SAMD5: variants seen among roughly 807,000 people sequenced by gnomAD.
The protein encoded by SAMD5 is sterile alpha motif domain-containing protein 5.
SAMD5 carries 13 observed loss-of-function variants against 11.3 expected under a neutral mutation model. That is an observed-to-expected ratio of 1.15 (90% CI 0.75 to 1.83). SAMD5 has a LOEUF of 1.83. SAMD5 is among the 40% of genes most tolerant of loss of function. The pLI is 0.00. For synonymous variants in SAMD5, 129 were observed against 111.3 expected, an observed-to-expected ratio of 1.16 and a Z score of -1.00; for missense variants, 255 against 239.1, an observed-to-expected ratio of 1.07 and a Z score of -0.44.
At chr6:147,687,456 T>G (rs778645273) in intron 1 of SAMD5, among the ~76,000 whole-genome samples, 3 of 151,874 alleles carry the variant, frequency 2.0e-5, no homozygotes, top group Non-Finnish European at 4.4e-5. Context: ...TTTGTATTTT[T>G]TGAAGAGATG....
the SAMD5 span, among the ~76,000 whole-genome samples, chr6:147,791,540 C>G: frequency 5.9e-5 from 9 of 152,130 alleles, no homozygotes; most frequent in South Asian, 1.9e-3. Flanking sequence ...ACTGTTAGAC[C>G]TATGTGACCA....
chr6:147,798,897 CT>C, the SAMD5 span, among the ~76,000 whole-genome samples: 1 of 151,916 alleles, frequency 6.6e-6, no homozygotes, highest in South Asian at 2.1e-4. Flanking sequence ...CAACCCCTGC[CT>C]TTTTTTGTTT....
chr6:147,887,604 T>C, the SAMD5 span, among the ~76,000 whole-genome samples: 1 of 152,178 alleles, frequency 6.6e-6, no homozygotes, highest in Non-Finnish European at 1.5e-5. Flanking sequence ...TTGATTCCAG[T>C]TTTTTACTAC....
rs1789109185 is a variant in SAMD5 at position 147,569,874 on chromosome 6, G to T, written c.*5418G>T. On this transcript the variant is annotated 3_prime_UTR_variant, in exon 2 of 2. Coordinates refer to ENST00000367474, the MANE Select transcript of SAMD5 (RefSeq NM_001030060.3). ...AATTGACACTTTCTTTTCCCTTTCA[G>T]TTATTATTTTTTTTAAAGGACGTTA... 1 of 985,000 alleles carries T rather than the reference G, an allele frequency of 1.0e-6. No individual in the cohort carries two copies. The highest frequency in any genetic ancestry group is 1.2e-6 in the Non-Finnish European group (1 of 829,748). 61.0% of individuals were successfully genotyped at this position (985,000 alleles called of 1,614,324 possible).
chr6:147,613,274 A>C (rs1789812695), intron 1 of SAMD5, among the ~76,000 whole-genome samples: 1 of 151,864 alleles, frequency 6.6e-6, no homozygotes, highest in Non-Finnish European at 1.5e-5. Flanking sequence ...GAGTGCGTCT[A>C]GTCAATGGGT....
chr6:147,639,553 C>A (rs780463806), intron 1 of SAMD5, among the ~76,000 whole-genome samples: 25 of 152,268 alleles, frequency 1.6e-4, no homozygotes, highest in Middle Eastern at 3.4e-3. Context: ...GGGGTGGGTG[C>A]TACATCTCCA....
intron 1 of SAMD5, among the ~76,000 whole-genome samples, chr6:147,610,700 A>G (rs1789770436): frequency 6.6e-6 from 1 of 152,066 alleles, no homozygotes. Flanking sequence ...AGAGACCTGA[A>G]TCAGTTGCTC....
chr6:147,810,649 G>A, the SAMD5 span, among the ~76,000 whole-genome samples: 1 of 152,312 alleles, frequency 6.6e-6, no homozygotes, highest in African/African-American at 2.4e-5. Context: ...CAAATAGGCA[G>A]CCATCAACAT....
intron 1 of SAMD5, among the ~76,000 whole-genome samples, chr6:147,625,562 G>A (rs997566774): frequency 2.6e-5 from 4 of 152,168 alleles, no homozygotes; most frequent in African/African-American, 7.2e-5. Flanking sequence ...GATATATTAA[G>A]ATTCCTAAAC....
chr6:147,792,638 G>A, the SAMD5 span, among the ~76,000 whole-genome samples: 1 of 151,990 alleles, frequency 6.6e-6, no homozygotes, highest in African/African-American at 2.4e-5. Context: ...CTAATAAAAG[G>A]AATCAAGGAT....
the SAMD5 span, among the ~76,000 whole-genome samples, chr6:147,815,044 A>G: frequency 6.3e-4 from 96 of 152,302 alleles, 2 homozygotes; most frequent in African/African-American, 2.1e-3. Flanking sequence ...GTGCCATCCA[A>G]TAGGCCAACT....
intron 1 of SAMD5, among the ~76,000 whole-genome samples, chr6:147,684,120 A>G (rs1790976423): frequency 1.3e-5 from 2 of 151,818 alleles, no homozygotes; most frequent in African/African-American, 4.8e-5. Flanking sequence ...CCTTCCCACC[A>G]TTACCTCTTT....
exon 2 of SAMD5, chr6:147,737,530 C>T: frequency 3.6e-6 from 1 of 274,802 alleles, no homozygotes; most frequent in South Asian, 3.4e-5. Flanking sequence ...AAAGCAGGTC[C>T]TCCTTTTGGG....
At chr6:147,717,602 G>A (rs1008863083) in intron 1 of SAMD5, among the ~76,000 whole-genome samples, 2 of 152,160 alleles carry the variant, frequency 1.3e-5, no homozygotes, top group Admixed American at 1.3e-4. Flanking sequence ...GTTTGTACAT[G>A]AAAAATAAAA....
rs1789020124 is a variant in SAMD5, at chr6:147,565,361, G to A, written c.*905G>A. The A allele has an allele frequency of 1.8e-5, 18 of 985,824 alleles. No individual in the cohort carries two copies. The highest frequency in any genetic ancestry group is 2.0e-5 in the Non-Finnish European group (17 of 829,924). The allele number at this position is 985,824 out of a possible 1,614,324, so 61.1% of individuals were successfully genotyped here. A position where few individuals can be genotyped will look rare whatever the true frequency, so the allele number is the denominator to read the frequency against. The stretch of plus-strand genomic sequence containing the variant: ...GGCCTGAGGAGCCCTGTAGAACTAC[G>A]GCTGAAAAAGAAAGTAGATTGAGGT... On this transcript the variant is annotated 3_prime_UTR_variant, in exon 2 of 2. Transcript: ENST00000367474.
intron 1 of SAMD5, among the ~76,000 whole-genome samples, chr6:147,521,843 C>T (rs752507385): frequency 6.6e-6 from 1 of 150,864 alleles, no homozygotes; most frequent in Non-Finnish European, 1.5e-5. Context: ...ATTTTAAAAC[C>T]TTCTTTAAAT....
At chr6:147,611,905 A>G (rs907598325) in intron 1 of SAMD5, among the ~76,000 whole-genome samples, 3 of 152,196 alleles carry the variant, frequency 2.0e-5, no homozygotes, top group African/African-American at 7.2e-5. Context: ...ATTGGGCTCT[A>G]AGACAAGTGG....
chr6:147,733,747 T>A, intron 1 of SAMD5: 1 of 955,234 alleles, frequency 1.0e-6, no homozygotes, highest in Non-Finnish European at 1.2e-6. Context: ...ATTATGGAAA[T>A]TCTTCAGGCA....
the SAMD5 span, among the ~76,000 whole-genome samples, chr6:147,922,796 A>G: frequency 6.6e-6 from 1 of 152,334 alleles, no homozygotes; most frequent in East Asian, 1.9e-4. Flanking sequence ...TAAAAAATCA[A>G]TACAACTAAT....
Sources: gnomAD v4.1 joint callset for allele counts (sites outside exome capture counted in the v4.1 genomes callset) on GRCh38, gnomAD v4.1.1 for gene constraint, MANE v1.5 for transcripts, NCBI Gene and HGNC (gene_info 2026-07-23, HGNC 2026-07-21) for gene names.